The following KIAA0825 variants were observed in gnomAD, a reference collection of about 807,000 sequenced individuals.
The protein encoded by KIAA0825 is KIAA0825.
KIAA0825 carries 119 observed loss-of-function variants against 147.6 expected under a neutral mutation model. The ratio of observed to expected loss-of-function variants is 0.81; its 90% confidence interval spans 0.69 to 0.94. KIAA0825 has a LOEUF of 0.94. KIAA0825 is among the 40% of genes least tolerant of loss of function. KIAA0825 has a pLI of 0.00. For synonymous variants in KIAA0825, 470 were observed against 518.1 expected (o/e 0.91, Z 1.26); for missense variants, 1,381 against 1,472.7 (o/e 0.94, Z 1.02).
intron 14 of KIAA0825, among the ~76,000 whole-genome samples, chr5:94,437,251 T>A (rs1429957204): frequency 1.3e-5 from 2 of 152,216 alleles, no homozygotes; most frequent in African/African-American, 4.8e-5. Context: ...TCTATATTAG[T>A]ATAATTAACA....
Position 94,280,233 on chromosome 5 carries a change from T to G in KIAA0825, c.3710+104135A>C, listed in dbSNP as rs907978043. On this transcript the variant is annotated intron_variant, in intron 20 of 20. Transcript: ENST00000682413. ...ATAAAATAGAGAACATTAAACAACATGCCTGGTAGATCCAGAATCAAACCC... is the reference window on the plus strand; with the variant it reads ...ATAAAATAGAGAACATTAAACAACAGGCCTGGTAGATCCAGAATCAAACCC... Among the ~76,000 whole-genome samples the G allele has an allele frequency of 6.6e-5, 10 of 152,176 alleles. 1 individual carries two copies. Among genetic ancestry groups the G allele is most frequent in the African/African-American group, 2.4e-4 (10 of 41,544 alleles).
chr5:94,438,029 T>C (rs1320256858), intron 14 of KIAA0825, among the ~76,000 whole-genome samples: 2 of 152,204 alleles, frequency 1.3e-5, no homozygotes, highest in Admixed American at 6.5e-5. Flanking sequence ...GTAAGTTAAA[T>C]GCATGTGTAC....
intron 12 of KIAA0825, among the ~76,000 whole-genome samples, chr5:94,458,340 G>A (rs1759386160): frequency 6.6e-6 from 1 of 152,148 alleles, no homozygotes. Flanking sequence ...AACAAAGAAA[G>A]GATGAATAAA....
chr5:94,558,246 C>T (rs961115953), intron 2 of KIAA0825, among the ~76,000 whole-genome samples: 3 of 152,158 alleles, frequency 2.0e-5, no homozygotes, highest in Non-Finnish European at 4.4e-5. Flanking sequence ...ATTTTGGAAA[C>T]AGCCCGCCAC....
At chr5:94,552,067 A>G (rs1775652943) in intron 2 of KIAA0825, among the ~76,000 whole-genome samples, 1 of 152,110 alleles carries the variant, frequency 6.6e-6, no homozygotes, top group South Asian at 2.1e-4. Flanking sequence ...GAAAGTGAAG[A>G]GATGGAAAAA....
chr5:94,589,253 T>G (rs1177677983), intron 1 of KIAA0825, among the ~76,000 whole-genome samples: 2 of 152,148 alleles, frequency 1.3e-5, no homozygotes, highest in Non-Finnish European at 2.9e-5. Flanking sequence ...GGGCCTGAAA[T>G]TTTGCATTTC....
intron 20 of KIAA0825, among the ~76,000 whole-genome samples, chr5:94,252,308 C>T (rs1212462308): frequency 1.3e-5 from 2 of 151,888 alleles, no homozygotes; most frequent in African/African-American, 2.4e-5. Context: ...ATATGGAAAT[C>T]TAAGTGGTTG....
chr5:94,571,264 G>T lies in KIAA0825; in HGVS notation c.-2+11169C>A, dbSNP rs539593776. Reference sequence around the variant, plus strand: ...AATTTACAATAATATTCACAATACTGTCAAGTGTTTCAACTTCAACAGAAT... The same window carrying T: ...AATTTACAATAATATTCACAATACTTTCAAGTGTTTCAACTTCAACAGAAT... On this transcript the variant is annotated intron_variant, in intron 2 of 20. Transcript: ENST00000682413. Among the ~76,000 whole-genome samples the T allele has an allele frequency of 1.7e-4, 26 of 152,250 alleles. No homozygotes were observed. The South Asian group carries it at 5.4e-3, about 32-fold the overall frequency.
chr5:94,432,479 T>C (rs1211430210), intron 14 of KIAA0825, among the ~76,000 whole-genome samples: 1 of 152,196 alleles, frequency 6.6e-6, no homozygotes, highest in African/African-American at 2.4e-5. Flanking sequence ...CTAATAATTT[T>C]ATGGAGCCCA....
chr5:94,204,474 A>T (rs919580329), intron 20 of KIAA0825, among the ~76,000 whole-genome samples: 1 of 152,194 alleles, frequency 6.6e-6, no homozygotes, highest in Non-Finnish European at 1.5e-5. Flanking sequence ...TTTTTCTGTT[A>T]TACTAAGTTA....
chr5:94,490,315 T>G (rs1305221731), intron 5 of KIAA0825, among the ~76,000 whole-genome samples: 2 of 152,174 alleles, frequency 1.3e-5, no homozygotes, highest in Admixed American at 1.3e-4. Context: ...CAGAACAAAG[T>G]AAGATTTTAT....
At chr5:94,533,075 T>A (rs1465598205) in intron 3 of KIAA0825, among the ~76,000 whole-genome samples, 1 of 150,026 alleles carries the variant, frequency 6.7e-6, no homozygotes, top group Non-Finnish European at 1.5e-5. Context: ...GCCTCCCGGG[T>A]TCACGCCATT....
intron 5 of KIAA0825, among the ~76,000 whole-genome samples, chr5:94,512,516 C>T (rs987937523): frequency 6.0e-5 from 9 of 150,966 alleles, no homozygotes; most frequent in African/African-American, 1.2e-4. Context: ...AATCTTAGCA[C>T]TTTGGGAGGC....
intron 5 of KIAA0825, among the ~76,000 whole-genome samples, chr5:94,511,676 C>A (rs570961922): frequency 6.6e-6 from 1 of 152,000 alleles, no homozygotes; most frequent in African/African-American, 2.4e-5. Context: ...AATTTTGGGG[C>A]AGATTTGTTT....
chr5:94,351,527 C>T (rs1284364195), intron 20 of KIAA0825, among the ~76,000 whole-genome samples: 1 of 152,142 alleles, frequency 6.6e-6, no homozygotes, highest in Non-Finnish European at 1.5e-5. Context: ...AAGAAATCTC[C>T]AAATTCAATG....
At chr5:94,549,908 T>TAA (rs1775188916) in intron 2 of KIAA0825, among the ~76,000 whole-genome samples, 1 of 151,558 alleles carries the variant, frequency 6.6e-6, no homozygotes, top group Non-Finnish European at 1.5e-5. Flanking sequence ...AAAGAAATAA[T>TAA]AAACATCAGA....
chr5:94,362,747 C>A (rs1467900136), intron 20 of KIAA0825, among the ~76,000 whole-genome samples: 1 of 152,150 alleles, frequency 6.6e-6, no homozygotes, highest in Non-Finnish European at 1.5e-5. Context: ...TTTGCTATGT[C>A]TAGTGAATGT....
chr5:94,465,398 G>A (rs908530494), intron 10 of KIAA0825, among the ~76,000 whole-genome samples: 1 of 152,146 alleles, frequency 6.6e-6, no homozygotes, highest in Non-Finnish European at 1.5e-5. Flanking sequence ...TAAGATAGTG[G>A]ACTGATTCTT....
intron 1 of KIAA0825, among the ~76,000 whole-genome samples, chr5:94,586,883 TCAACATATG>T (rs1783406634): frequency 6.6e-6 from 1 of 152,198 alleles, no homozygotes; most frequent in East Asian, 1.9e-4. Flanking sequence ...CAAGGCTGGT[TCAACATATG>T]CAAATCAATA....
Sources: gnomAD v4.1 joint callset for allele counts (sites outside exome capture counted in the v4.1 genomes callset) on GRCh38, gnomAD v4.1.1 for gene constraint, MANE v1.5 for transcripts, NCBI Gene and HGNC (gene_info 2026-07-23, HGNC 2026-07-21) for gene names.